The following NLRP7 variants were observed in gnomAD, a reference collection of about 807,000 sequenced individuals.
NLRP7 encodes the protein NLR family pyrin domain containing 7.
In NLRP7, 72 loss-of-function variants were observed where a neutral mutation model predicts 85.5. The ratio of observed to expected loss-of-function variants is 0.84; its 90% confidence interval spans 0.70 to 1.02. NLRP7 has a LOEUF of 1.02. NLRP7 is among the 50% of genes least tolerant of loss of function. The probability of loss-of-function intolerance (pLI) is 0.00; values close to 1 mark genes in which losing one functional copy is unlikely to be tolerated. For missense variants in NLRP7, 1,243 were observed against 1,219.5 expected (o/e 1.02, Z -0.29); for synonymous variants, 550 against 505.2 (o/e 1.09, Z -1.19).
chr19:54,939,741 C>A, exon 4 of NLRP7: 3 of 1,613,620 alleles, frequency 1.9e-6, no homozygotes, highest in Non-Finnish European at 1.7e-6. Context: ...GGGGCCGAGC[C>A]CAGCTGGAAC....
exon 5 of NLRP7, chr19:54,938,229 T>A (rs747571958): frequency 6.2e-7 from 1 of 1,614,050 alleles, no homozygotes; most frequent in Non-Finnish European, 8.5e-7. Flanking sequence ...TCGGAATGGT[T>A]AGGTAAGTGC....
At chr19:54,933,392 G>A (rs867163568) in intron 8 of NLRP7, among the ~76,000 whole-genome samples, 177 bp downstream of exon 8, 5 of 152,036 alleles carry the variant, frequency 3.3e-5, no homozygotes, top group Admixed American at 2.6e-4. Flanking sequence ...TGATCCACCC[G>A]CCTCGGCCTC....
chr19:54,944,505 C>T lies in NLRP7; in HGVS notation c.-39-2755G>A, dbSNP rs537545434. Among the ~76,000 whole-genome samples, 6 of 152,142 alleles carry T rather than the reference C, an allele frequency of 3.9e-5. No individual in the cohort carries two copies. The East Asian group carries it at 1.2e-3, about 29-fold the overall frequency. On this transcript the variant is annotated intron_variant, in intron 1 of 9. Coordinates refer to ENST00000340844, the Ensembl canonical transcript of NLRP7. The stretch of plus-strand genomic sequence containing the variant: ...GTCTCCGAGATGGTAGAGATAATGA[C>T]CAATAAATACTGAAGGAACTCAGAG...
At chr19:54,933,634 C>T (rs778207263) in exon 8 of NLRP7, 3 of 1,614,172 alleles carry the variant, frequency 1.9e-6, no homozygotes, top group Non-Finnish European at 2.5e-6. Context: ...CCCCTGTATC[C>T]CCAATGGGGT....
chr19:54,936,452 TTC>T (rs2068932684), intron 5 of NLRP7, 21 bp from the exon 6 acceptor site: 1 of 1,603,238 alleles, frequency 6.2e-7, no homozygotes, highest in Admixed American at 1.7e-5. Flanking sequence ...GCAGAAGAGA[TTC>T]CACTTGGAGT....
In NLRP7 at chr19:54,939,504, C is replaced by T. The variant is rs774317431; in HGVS notation, c.1315G>A (p.Gly439Arg). The T allele has an allele frequency of 3.2e-5, 51 of 1,613,528 alleles. No individual in the cohort carries two copies. In the South Asian group the frequency reaches 4.6e-4, roughly 15 times the overall value. ...AGACGGAGGTCGGACTCCTGCACCC[C>T]GAGCCTTTCCAGGTCCTCTCGGTGG... Residue 439 changes from glycine to arginine, a missense_variant, in exon 4 of 10, where the codon GGG (glycine) becomes AGG (arginine). Transcript: ENST00000340844.
chr19:54,929,891 G>A (rs1679624773), intron 9 of NLRP7, among the ~76,000 whole-genome samples: 1 of 152,006 alleles, frequency 6.6e-6, no homozygotes, highest in African/African-American at 2.4e-5. Context: ...AAGGCGGGCA[G>A]ATCATGAGGT....
upstream of NLRP7, among the ~76,000 whole-genome samples, chr19:54,950,219 C>T (rs1177489238): frequency 2.0e-5 from 3 of 152,104 alleles, no homozygotes; most frequent in East Asian, 1.9e-4. Context: ...TCCTGCACTT[C>T]GGACTCCTCT....
At chr19:54,955,653 C>T (rs2069827033) in intron 1 of NLRP7, among the ~76,000 whole-genome samples, 2 of 151,408 alleles carry the variant, frequency 1.3e-5, no homozygotes, top group Admixed American at 6.6e-5. Flanking sequence ...GCCAGGAGGT[C>T]GTGGGCGCCT....
At chr19:54,936,398 C>T in exon 6 of NLRP7, 1 of 1,614,122 alleles carries the variant, frequency 6.2e-7, no homozygotes, top group Non-Finnish European at 8.5e-7. Context: ...GACAGAAGTC[C>T]CGGTACGCGG....
chr19:54,950,332 G>A (rs573151659), upstream of NLRP7, among the ~76,000 whole-genome samples: 3 of 152,288 alleles, frequency 2.0e-5, no homozygotes, highest in East Asian at 5.8e-4. Context: ...CTCGTTAGGT[G>A]GAAGGAGAGA....
intron 9 of NLRP7, 114 bp downstream of exon 9, chr19:54,930,385 C>T (rs1165456858): frequency 2.8e-5 from 21 of 745,342 alleles, no homozygotes; most frequent in Middle Eastern, 3.5e-4. Flanking sequence ...CCGATCAAGC[C>T]TGGAAGACCG....
intron 1 of NLRP7, among the ~76,000 whole-genome samples, chr19:54,961,524 G>T (rs1276328022): frequency 1.1e-4 from 17 of 150,492 alleles, no homozygotes; most frequent in African/African-American, 3.9e-4. Flanking sequence ...ATAAATAAAA[G>T]AAAATACAAA....
chr19:54,924,994 C>A (rs1465205210), intron 9 of NLRP7, among the ~76,000 whole-genome samples: 1 of 151,966 alleles, frequency 6.6e-6, no homozygotes, highest in African/African-American at 2.4e-5. Flanking sequence ...TAAGAGAATG[C>A]CAGAGTGAAC....
chr19:54,932,914 C>T (rs1019245476), intron 8 of NLRP7, among the ~76,000 whole-genome samples: 2 of 151,966 alleles, frequency 1.3e-5, no homozygotes, highest in African/African-American at 4.8e-5. Context: ...ACCACCTGTT[C>T]CCCAATAACC....
chr19:54,936,007 G>A (rs2068906080), intron 6 of NLRP7, among the ~76,000 whole-genome samples: 1 of 152,140 alleles, frequency 6.6e-6, no homozygotes, highest in Non-Finnish European at 1.5e-5. Context: ...GTGCAGTCAG[G>A]AATAGCATGT....
upstream of NLRP7, chr19:54,947,850 C>G (rs2069542395): frequency 4.3e-6 from 1 of 234,828 alleles, no homozygotes; most frequent in Non-Finnish European, 8.8e-6. Context: ...TTTAAAAACT[C>G]TTGTAGAGAA....
exon 4 of NLRP7, chr19:54,940,165 C>T (rs1242052573): frequency 6.2e-7 from 1 of 1,614,204 alleles, no homozygotes; most frequent in South Asian, 1.1e-5. Context: ...TGCAGGGGCC[C>T]ATGCGGCTGA....
chr19:54,952,593 CAAA>C (rs766921015), intron 1 of NLRP7, among the ~76,000 whole-genome samples: 2 of 125,628 alleles, frequency 1.6e-5, no homozygotes. Flanking sequence ...AACTCCATCT[CAAA>C]AAAAAAAAAA....
Sources: allele counts gnomAD v4.1 joint callset (sites outside exome capture counted in the v4.1 genomes callset), GRCh38; gene constraint gnomAD v4.1.1; transcripts MANE v1.5; gene names NCBI Gene and HGNC (gene_info 2026-07-23, HGNC 2026-07-21).